Variants in OSBPL9 observed in about 807,000 individuals in gnomAD.
OSBPL9 encodes the protein oxysterol binding protein like 9.
A neutral mutation model predicts 106.6 loss-of-function variants in OSBPL9; 40 were observed. The ratio of observed to expected loss-of-function variants is 0.38; its 90% CI spans 0.29 to 0.49. The LOEUF (loss-of-function observed/expected upper bound fraction) is 0.49, where lower values mean the gene tolerates loss of function less well. OSBPL9 is among the 20% of genes least tolerant of loss of function. OSBPL9 has a pLI of 0.97. For synonymous variants in OSBPL9, 269 were observed against 295.4 expected (o/e 0.91, Z 0.92); for missense variants, 609 against 887.2 (o/e 0.69, Z 3.98).
intron 8 of OSBPL9, chr1:51,752,465 A>G (rs1669464438): frequency 2.2e-6 from 1 of 452,878 alleles, no homozygotes; most frequent in South Asian, 1.6e-5. Flanking sequence ...TACACGATAT[A>G]TTTGTTTGTT....
At chr1:51,575,994 C>T (rs1468679196), upstream of OSBPL9, among the ~76,000 whole-genome samples, 2 of 152,228 alleles carry the variant, frequency 1.3e-5, no homozygotes, top group Non-Finnish European at 2.9e-5. Context: ...CATTTCACAA[C>T]TTACTATTCT....
chr1:51,627,240 A>T (rs750993128), intron 1 of OSBPL9, among the ~76,000 whole-genome samples: 3 of 151,228 alleles, frequency 2.0e-5, no homozygotes, highest in Non-Finnish European at 4.4e-5. Context: ...GGCTGAAATG[A>T]TCCTTCTGTC....
intron 14 of OSBPL9, among the ~76,000 whole-genome samples, chr1:51,776,007 C>T (rs770717938): frequency 1.3e-5 from 2 of 152,100 alleles, no homozygotes; most frequent in South Asian, 2.1e-4. Context: ...TGTTCTACTT[C>T]GTAATGAATA....
rs777243232 is a variant in OSBPL9, at chr1:51,784,347, C to G, written c.1688+20C>G. On this transcript the variant is annotated intron_variant, in intron 19 of 23. Coordinates refer to ENST00000428468, the MANE Select transcript of OSBPL9 (RefSeq NM_024586.6). ...TGGAAGGCAAGTGTGTCCATTTCCT[C>G]TGATCAGCAGTAGACTCTGCTGTTC... 2 of 1,611,350 alleles carry G rather than the reference C, an allele frequency of 1.2e-6. No individual in the cohort carries two copies. The highest frequency in any genetic ancestry group is 2.2e-5 in the South Asian group (2 of 91,028).
In OSBPL9 at chr1:51,788,121, C is replaced by T. The variant is rs12097772; in HGVS notation, c.*332C>T. On this transcript the variant is annotated 3_prime_UTR_variant, in exon 24 of 24. Coordinates refer to ENST00000428468, the MANE Select transcript of OSBPL9 (RefSeq NM_024586.6). ...GCGCTCTAGTACTGCTGTTAAGATACACAACTTGTTTCTTAGTTCATATAA... is the reference window on the plus strand; with the variant it reads ...GCGCTCTAGTACTGCTGTTAAGATATACAACTTGTTTCTTAGTTCATATAA... The T allele has an allele frequency of 0.2, 55,222 of 279,874 alleles. 7,559 individuals are homozygous for T. The highest frequency in any genetic ancestry group is 0.44 in the African/African-American group (19,789 of 45,112). 17.3% of individuals were successfully genotyped at this position (279,874 alleles called of 1,614,324 possible).
At chr1:51,721,627 G>T (rs1213366052) in intron 4 of OSBPL9, among the ~76,000 whole-genome samples, 1 of 152,106 alleles carries the variant, frequency 6.6e-6, no homozygotes, top group Non-Finnish European at 1.5e-5. Context: ...CATTTTTCTT[G>T]AACTACTTCA....
chr1:51,621,818 C>G (rs1644456094), intron 1 of OSBPL9, among the ~76,000 whole-genome samples: 2 of 152,114 alleles, frequency 1.3e-5, no homozygotes, highest in South Asian at 4.1e-4. Context: ...TTGGAAGCAT[C>G]ATTTTGGTAT....
Position 51,621,157 on chromosome 1 carries a change from C to G in OSBPL9, c.111+3936C>G, listed in dbSNP as rs181952433. Among the ~76,000 whole-genome samples, 56 of 152,324 alleles carry G rather than the reference C, an allele frequency of 3.7e-4. No individual in the cohort carries two copies. In the East Asian group the frequency reaches 0.01, roughly 28 times the overall value. ...TAGTACTCCCATTAACTCCTTCCTC[C>G]TCTATTGAATTATTTTTAGAGCAGA... On this transcript the variant is annotated intron_variant, in intron 1 of 23. Coordinates refer to ENST00000428468, the MANE Select transcript of OSBPL9 (RefSeq NM_024586.6).
chr1:51,561,711 ATT>A, the OSBPL9 span: 1 of 152,208 alleles, frequency 6.6e-6, no homozygotes, highest in Non-Finnish European at 1.5e-5. Context: ...GACTCAGTAA[ATT>A]TTAGTAACTT....
the OSBPL9 span, among the ~76,000 whole-genome samples, chr1:51,553,179 G>C: frequency 6.6e-6 from 1 of 152,034 alleles, no homozygotes; most frequent in African/African-American, 2.4e-5. Flanking sequence ...AGGAGGCCGG[G>C]GAAGCTGGTA....
At chr1:51,772,371 T>C (rs1358641814) in intron 13 of OSBPL9, among the ~76,000 whole-genome samples, 189 bp downstream of exon 13, 3 of 152,096 alleles carry the variant, frequency 2.0e-5, no homozygotes, top group African/African-American at 7.2e-5. Flanking sequence ...AAAAATTAGC[T>C]GGGCATGGTG....
chr1:51,728,743 A>C (rs1342370330), intron 4 of OSBPL9, among the ~76,000 whole-genome samples: 1 of 152,056 alleles, frequency 6.6e-6, no homozygotes, highest in Non-Finnish European at 1.5e-5. Flanking sequence ...CCTGGCCTCG[A>C]ATCCTCCCTC....
At chr1:51,710,506 T>G (rs1013174223) in intron 3 of OSBPL9, among the ~76,000 whole-genome samples, 1 of 152,262 alleles carries the variant, frequency 6.6e-6, no homozygotes, top group African/African-American at 2.4e-5. Context: ...CCACCTTCCA[T>G]CAGGCATTGT....
intron 1 of OSBPL9, among the ~76,000 whole-genome samples, chr1:51,585,328 T>C (rs373629523): frequency 6.6e-6 from 1 of 152,304 alleles, no homozygotes; most frequent in South Asian, 2.1e-4. Context: ...ATTAGTTGAC[T>C]TCTCTGGGCT....
intron 3 of OSBPL9, among the ~76,000 whole-genome samples, chr1:51,689,763 T>C (rs1475589903): frequency 6.6e-6 from 1 of 152,208 alleles, no homozygotes; most frequent in Non-Finnish European, 1.5e-5. Flanking sequence ...CTCTATGTTA[T>C]AAAACAGCAC....
At chr1:51,616,003 GTTTTT>G (rs764823727), upstream of OSBPL9, among the ~76,000 whole-genome samples, 1,646 of 104,560 alleles carry the variant, frequency 0.016, 50 homozygotes, top group African/African-American at 0.057. Flanking sequence ...AAATCCTTTG[GTTTTT>G]TTTTTTTTTT....
At chr1:51,547,067 G>GT in the OSBPL9 span, among the ~76,000 whole-genome samples, 6 of 152,198 alleles carry the variant, frequency 3.9e-5, no homozygotes, top group African/African-American at 1.4e-4. Context: ...GACTGGTACA[G>GT]CCACTGTGGA....
chr1:51,576,525 GTTTT>G (rs999057430), upstream of OSBPL9, among the ~76,000 whole-genome samples: 5 of 151,740 alleles, frequency 3.3e-5, no homozygotes, highest in Admixed American at 6.6e-5. Context: ...GTTTTTTTGG[GTTTT>G]TTTGTTTGTT....
chr1:51,643,468 C>A (rs751590739), intron 1 of OSBPL9, among the ~76,000 whole-genome samples: 2 of 151,968 alleles, frequency 1.3e-5, no homozygotes, highest in Non-Finnish European at 2.9e-5. Context: ...GAGAACAATC[C>A]ATGTAAAAGT....
Sources: allele counts gnomAD v4.1 joint callset (sites outside exome capture counted in the v4.1 genomes callset), GRCh38; gene constraint gnomAD v4.1.1; transcripts MANE v1.5; gene names NCBI Gene and HGNC (gene_info 2026-07-23, HGNC 2026-07-21).